BARD1: variants seen among roughly 807,000 people sequenced by gnomAD.
BARD1 encodes the protein BRCA1-associated RING domain protein 1.
In BARD1, 73 loss-of-function variants were observed where a neutral mutation model predicts 77.0. The observed-to-expected ratio is 0.95, with a 90% CI of 0.79 to 1.15. BARD1 has a LOEUF of 1.15. Among genes scored for constraint, BARD1 ranks in the 50% most tolerant of loss-of-function variants. The probability of loss-of-function intolerance (pLI) is 0.00; values close to 1 mark genes in which losing one functional copy is unlikely to be tolerated. For synonymous variants in BARD1, 384 were observed against 338.0 expected, an observed-to-expected ratio of 1.14 and a Z score of -1.49; for missense variants, 993 against 938.8, an observed-to-expected ratio of 1.06 and a Z score of -0.75.
Position 214,727,525 on chromosome 2 carries a change from G to A in BARD1, c.*1151C>T, listed in dbSNP as rs925752072. 4 of 231,794 alleles carry A rather than the reference G, an allele frequency of 1.7e-5. No homozygotes were observed. Among genetic ancestry groups the A allele is most frequent in the Non-Finnish European group, 2.6e-5 (3 of 117,258 alleles). The allele number at this position is 231,794 out of a possible 1,614,324, so 14.4% of individuals were successfully genotyped here. On this transcript the variant is annotated 3_prime_UTR_variant, in exon 11 of 11. Transcript: ENST00000260947. Reference sequence around the variant, plus strand: ...CAAAATAATCTAATGTATCCTTGTCGATTCATGAATGAGAGCACCCAGAGC... The same window carrying A: ...CAAAATAATCTAATGTATCCTTGTCAATTCATGAATGAGAGCACCCAGAGC...
At chr2:214,806,012 C>T (rs1696253162) in intron 1 of BARD1, among the ~76,000 whole-genome samples, 1 of 152,174 alleles carries the variant, frequency 6.6e-6, no homozygotes, top group Non-Finnish European at 1.5e-5. Flanking sequence ...TGCTTTCTGC[C>T]AGCCTCTCAA....
intron 9 of BARD1, among the ~76,000 whole-genome samples, chr2:214,740,354 A>G (rs1692764440): frequency 6.6e-6 from 1 of 151,990 alleles, no homozygotes; most frequent in South Asian, 2.1e-4. Flanking sequence ...TCGTTAGAAA[A>G]GTGAAAATAC....
At position 214,780,691 on chromosome 2, in the gene BARD1, G is replaced by T. The variant is rs756647439; in HGVS notation, c.1183C>A (p.Pro395Thr). The T allele has an allele frequency of 6.2e-7, 1 of 1,614,094 alleles. No individual in the cohort carries two copies. The highest frequency in any genetic ancestry group is 1.1e-5 in the South Asian group (1 of 91,080). Residue 395 changes from proline to threonine, a missense_variant, in exon 4 of 11, where the codon CCA becomes ACA. By Grantham distance (38) the Pro-to-Thr change is conservative (BLOSUM62 -1). Coordinates refer to ENST00000260947, the MANE Select transcript of BARD1 (RefSeq NM_000465.4). Reference protein sequence around the residue: ...DEFISLSPGTPPSTLSSSSYR... With the variant: ...DEFISLSPGTTPSTLSSSSYR... ...CTTGAACTACTTAATGTAGAAGGTG[G>T]TGTACCTGGTGAAAGACTAATGAAT...
chr2:214,769,205 G>A (rs998947401), intron 5 of BARD1, 27 bp downstream of exon 5: 2 of 1,564,958 alleles, frequency 1.3e-6, no homozygotes, highest in South Asian at 2.2e-5. Context: ...AACACAGAAA[G>A]AATGAGAATA....
chr2:214,800,147 A>G (rs929471482), intron 1 of BARD1, among the ~76,000 whole-genome samples: 3 of 152,212 alleles, frequency 2.0e-5, no homozygotes, highest in Non-Finnish European at 4.4e-5. Flanking sequence ...TGAACTCTTT[A>G]GCTATAGTTC....
chr2:214,736,797 T>C (rs1183846895), intron 9 of BARD1, among the ~76,000 whole-genome samples: 1 of 152,112 alleles, frequency 6.6e-6, no homozygotes, highest in Non-Finnish European at 1.5e-5. Flanking sequence ...CATTAAATAT[T>C]CTGTTTCATG....
intron 6 of BARD1, among the ~76,000 whole-genome samples, chr2:214,759,704 T>C (rs1693859381): frequency 6.6e-6 from 1 of 152,088 alleles, no homozygotes; most frequent in South Asian, 2.1e-4. Flanking sequence ...CCTCCATAAT[T>C]ATAAAGATTT....
intron 1 of BARD1, among the ~76,000 whole-genome samples, chr2:214,803,928 C>A (rs1396395375): frequency 2.0e-5 from 3 of 151,996 alleles, no homozygotes; most frequent in African/African-American, 4.8e-5. Flanking sequence ...CTTACTGATA[C>A]AAAATTTTCT....
chr2:214,797,262 T>A (rs1695802447), intron 1 of BARD1, 145 bp from the exon 2 acceptor site: 1 of 737,170 alleles, frequency 1.4e-6, no homozygotes, highest in Non-Finnish European at 2.5e-6. Flanking sequence ...TTTGAAAGGC[T>A]GTTACTCCCT....
At chr2:214,734,645 C>T (rs1692491841) in intron 9 of BARD1, among the ~76,000 whole-genome samples, 1 of 152,106 alleles carries the variant, frequency 6.6e-6, no homozygotes, top group South Asian at 2.1e-4. Flanking sequence ...GAATAAAATA[C>T]TCATAAATCA....
rs4986842 is a variant in BARD1, at chr2:214,745,914, A to G, written c.1678-60T>C. 12,892 of 1,568,524 alleles carry G rather than the reference A, an allele frequency of 8.2e-3. 65 individuals carry two copies. Among genetic ancestry groups the G allele is most frequent in the Admixed American group, 9.7e-3 (583 of 59,916 alleles). On this transcript the variant is annotated intron_variant, in intron 7 of 10. Transcript: ENST00000260947. ...CATTAGACGACTAGACAAAGACATT[A>G]AACAGACTGTTACTTGATATAAGCT...
intron 1 of BARD1, among the ~76,000 whole-genome samples, chr2:214,802,770 A>C (rs868694090): frequency 1.3e-5 from 2 of 152,332 alleles, no homozygotes; most frequent in Non-Finnish European, 1.5e-5. Flanking sequence ...ATCCAAACAA[A>C]TAAGAGAAGA....
intron 4 of BARD1, among the ~76,000 whole-genome samples, chr2:214,777,417 C>T (rs917870945): frequency 7.2e-5 from 11 of 152,154 alleles, no homozygotes; most frequent in African/African-American, 2.4e-4. Context: ...TGCAGGAGAA[C>T]AAACTCCTGC....
At chr2:214,743,482 G>A (rs115369108) in intron 9 of BARD1, among the ~76,000 whole-genome samples, 205 of 152,244 alleles carry the variant, frequency 1.3e-3, no homozygotes, top group African/African-American at 4.6e-3. Context: ...GATGTCCCAC[G>A]TACTTTTCCT....
chr2:214,764,352 C>T (rs1432708197), intron 6 of BARD1, among the ~76,000 whole-genome samples: 4 of 152,120 alleles, frequency 2.6e-5, no homozygotes, highest in African/African-American at 4.8e-5. Flanking sequence ...GTAAGTCCTA[C>T]GACTGGGGAG....
intron 6 of BARD1, among the ~76,000 whole-genome samples, chr2:214,766,999 T>C (rs572821501): frequency 1.4e-3 from 208 of 152,238 alleles, no homozygotes; most frequent in African/African-American, 4.8e-3. Context: ...AAGTAGACTC[T>C]GGTGTCTGTT....
At chr2:214,766,880 C>T (rs1401835660) in intron 6 of BARD1, among the ~76,000 whole-genome samples, 1 of 151,902 alleles carries the variant, frequency 6.6e-6, no homozygotes, top group East Asian at 1.9e-4. Flanking sequence ...TATAGGTAAA[C>T]TTGTGTAACG....
intron 3 of BARD1, among the ~76,000 whole-genome samples, chr2:214,784,605 T>C (rs1229385564): frequency 1.3e-5 from 2 of 152,122 alleles, no homozygotes; most frequent in South Asian, 2.1e-4. Flanking sequence ...CTGTTCACAA[T>C]AGCAAAGACT....
intron 4 of BARD1, among the ~76,000 whole-genome samples, chr2:214,777,254 CT>C (rs758972312): frequency 3.0e-4 from 46 of 152,256 alleles, no homozygotes; most frequent in Admixed American, 6.5e-4. Context: ...AGAGAAGTAG[CT>C]GCCAGTAGGG....
Sources: gnomAD v4.1 joint callset for allele counts (sites outside exome capture counted in the v4.1 genomes callset) on GRCh38, gnomAD v4.1.1 for gene constraint, MANE v1.5 for transcripts, NCBI Gene and HGNC (gene_info 2026-07-23, HGNC 2026-07-21) for gene names.